LPP: variants seen among roughly 807,000 people sequenced by gnomAD.
LPP encodes the protein lipoma-preferred partner.
A neutral mutation model predicts 60.4 loss-of-function variants in LPP; 38 were observed. The observed-to-expected ratio is 0.63, with a 90% confidence interval of 0.49 to 0.83. The LOEUF is 0.83. Among genes scored for constraint, LPP ranks in the 40% least tolerant of loss-of-function variants. The probability of loss-of-function intolerance (pLI) is 0.00; values close to 1 mark genes in which losing one functional copy is unlikely to be tolerated. For missense variants in LPP, 902 were observed against 783.6 expected (o/e 1.15, Z -1.80); for synonymous variants, 328 against 290.8 (o/e 1.13, Z -1.30).
intron 2 of LPP, among the ~76,000 whole-genome samples, chr3:188,280,446 G>C (rs1741542693): frequency 6.6e-6 from 1 of 152,190 alleles, no homozygotes; most frequent in Admixed American, 6.5e-5. Flanking sequence ...GGATACAGAA[G>C]AGAACTTCTG....
rs1419432752 is a variant in LPP, at chr3:188,414,043, T to A, written c.193+7730T>A. Among the ~76,000 whole-genome samples the A allele has an allele frequency of 3.3e-5, 5 of 152,238 alleles. No individual in the cohort carries two copies. The East Asian group carries it at 9.6e-4, about 29-fold the overall frequency. ...AAACAGATTTTGTGCCAGATACTCTTCTAGGGGCTGAAGTAATGGCACTGA... is the reference window on the plus strand; with the variant it reads ...AAACAGATTTTGTGCCAGATACTCTACTAGGGGCTGAAGTAATGGCACTGA... On this transcript the variant is annotated intron_variant, in intron 4 of 11. Transcript: ENST00000617246.
intron 2 of LPP, among the ~76,000 whole-genome samples, chr3:188,260,396 G>A (rs1192383786): frequency 6.6e-6 from 1 of 151,966 alleles, no homozygotes; most frequent in South Asian, 2.1e-4. Flanking sequence ...CGATAATGTG[G>A]GGTGTCTTGT....
chr3:188,483,843 C>T (rs574968570), intron 4 of LPP, among the ~76,000 whole-genome samples: 37 of 152,266 alleles, frequency 2.4e-4, no homozygotes, highest in East Asian at 9.6e-4. Context: ...TTTAGTAAAT[C>T]GTATTGTAAC....
At chr3:188,631,892 C>G (rs552194180) in intron 7 of LPP, among the ~76,000 whole-genome samples, 1 of 152,202 alleles carries the variant, frequency 6.6e-6, no homozygotes, top group South Asian at 2.1e-4. Context: ...CTCAACCTTT[C>G]TTAACCAATC....
At chr3:188,369,073 C>T (rs1294919338) in intron 3 of LPP, among the ~76,000 whole-genome samples, 2 of 151,996 alleles carry the variant, frequency 1.3e-5, no homozygotes, top group African/African-American at 2.4e-5. Context: ...GTGATTCTCT[C>T]TCCTCCCACC....
intron 10 of LPP, among the ~76,000 whole-genome samples, chr3:188,870,366 G>A (rs1767794342): frequency 1.3e-5 from 2 of 152,144 alleles, no homozygotes; most frequent in Non-Finnish European, 2.9e-5. Context: ...CTCTTTGCAT[G>A]TATGGAGGCT....
intron 8 of LPP, among the ~76,000 whole-genome samples, chr3:188,747,193 A>G (rs1418215112): frequency 6.6e-6 from 1 of 152,146 alleles, no homozygotes; most frequent in Admixed American, 6.5e-5. Context: ...TCCTTCCTAT[A>G]ATGCTTTCCA....
chr3:188,331,985 T>C (rs183955548), intron 2 of LPP, among the ~76,000 whole-genome samples: 120 of 152,350 alleles, frequency 7.9e-4, no homozygotes, highest in Admixed American at 3.4e-3. Flanking sequence ...AATTATTTCA[T>C]CTTTTATCTA....
chr3:188,335,833 G>A (rs903662346), intron 2 of LPP, among the ~76,000 whole-genome samples: 14 of 151,924 alleles, frequency 9.2e-5, no homozygotes, highest in South Asian at 2.1e-4. Context: ...CTTTGCATCC[G>A]GTGGAACAAT....
chr3:188,862,757 GAAAGAA>G (rs1369931047), intron 9 of LPP, among the ~76,000 whole-genome samples: 1 of 113,628 alleles, frequency 8.8e-6, no homozygotes, highest in Non-Finnish European at 1.8e-5. Context: ...AGAAAAGAAA[GAAAGAA>G]AAAGAAAGAG....
chr3:188,239,804 A>G (rs1723242716), intron 2 of LPP: 1 of 215,472 alleles, frequency 4.6e-6, no homozygotes, highest in African/African-American at 2.3e-5. Context: ...ATCATGCAAA[A>G]AGTCACTTTA....
chr3:188,290,362 T>C (rs1249545513), intron 2 of LPP, among the ~76,000 whole-genome samples: 2 of 152,186 alleles, frequency 1.3e-5, no homozygotes, highest in Non-Finnish European at 2.9e-5. Flanking sequence ...TAATATCATG[T>C]GACCTTGGAC....
chr3:188,252,038 A>G (rs1272966563), intron 2 of LPP, among the ~76,000 whole-genome samples: 15 of 44,318 alleles, frequency 3.4e-4, no homozygotes, highest in African/African-American at 1.7e-3. Flanking sequence ...CCTGATATAT[A>G]TATATATATA....
intron 9 of LPP, among the ~76,000 whole-genome samples, chr3:188,836,711 G>C (rs1220395069): frequency 3.3e-5 from 5 of 152,132 alleles, no homozygotes; most frequent in Non-Finnish European, 7.3e-5. Flanking sequence ...TAAGTGTTTT[G>C]TGTTCTTTGC....
intron 8 of LPP, chr3:188,711,439 T>C (rs190319175): frequency 6.6e-6 from 1 of 152,308 alleles, no homozygotes; most frequent in East Asian, 1.9e-4. Flanking sequence ...AATGCAGATC[T>C]GTACATTTAC....
chr3:188,652,427 A>G (rs1309119722), intron 7 of LPP, among the ~76,000 whole-genome samples: 1 of 152,014 alleles, frequency 6.6e-6, no homozygotes, highest in Non-Finnish European at 1.5e-5. Context: ...TCTTCATCAC[A>G]TGGTTTTCTC....
intron 8 of LPP, among the ~76,000 whole-genome samples, chr3:188,722,758 G>A (rs1012610201): frequency 2.2e-4 from 33 of 152,144 alleles, no homozygotes; most frequent in African/African-American, 7.7e-4. Flanking sequence ...TCTATTTTAT[G>A]TGCATATTGT....
intron 7 of LPP, among the ~76,000 whole-genome samples, chr3:188,654,289 A>G (rs1307402508): frequency 6.6e-6 from 1 of 152,214 alleles, no homozygotes; most frequent in Admixed American, 6.5e-5. Context: ...AATCTGGCCA[A>G]CTGAGCTTGG....
intron 4 of LPP, among the ~76,000 whole-genome samples, chr3:188,445,597 C>A (rs1031309757): frequency 3.3e-5 from 5 of 151,816 alleles, no homozygotes; most frequent in Non-Finnish European, 5.9e-5. Context: ...TGTAACAAAC[C>A]TGCACGTTCT....
Sources: allele counts gnomAD v4.1 joint callset (sites outside exome capture counted in the v4.1 genomes callset), GRCh38; gene constraint gnomAD v4.1.1; transcripts MANE v1.5; gene names NCBI Gene and HGNC (gene_info 2026-07-23, HGNC 2026-07-21).